Variants in CCDC171 observed in about 807,000 individuals in gnomAD.
The protein encoded by CCDC171 is coiled-coil domain-containing protein 171.
In CCDC171, 177 loss-of-function variants were observed where a neutral mutation model predicts 168.2. That is an observed-to-expected ratio of 1.05 (90% confidence interval 0.93 to 1.19). The LOEUF is 1.19. CCDC171 is among the 50% of genes most tolerant of loss of function. The pLI is 0.00. For missense variants in CCDC171, 1,991 were observed against 1,539.0 expected, an observed-to-expected ratio of 1.29 and a Z score of -4.91; for synonymous variants, 687 against 540.8, an observed-to-expected ratio of 1.27 and a Z score of -3.75.
chr9:16,010,868 A>G (rs1014319270), intron 3 of CCDC171, among the ~76,000 whole-genome samples: 1 of 152,074 alleles, frequency 6.6e-6, no homozygotes, highest in African/African-American at 2.4e-5. Flanking sequence ...AAAAGAGTAT[A>G]CAATGAGAAG....
intron 25 of CCDC171, among the ~76,000 whole-genome samples, chr9:15,951,522 TTTTGTTTG>T (rs71304891): frequency 6.6e-6 from 1 of 151,310 alleles, no homozygotes; most frequent in East Asian, 2.0e-4. Context: ...ATTATCTGTT[TTTTGTTTG>T]TTTGTTTGTT....
chr9:15,664,976 T>C (rs892384944), intron 8 of CCDC171, among the ~76,000 whole-genome samples: 1 of 152,110 alleles, frequency 6.6e-6, no homozygotes, highest in Admixed American at 6.6e-5. Context: ...TTTTAAAATG[T>C]CTTTTTATGT....
intron 6 of CCDC171, among the ~76,000 whole-genome samples, chr9:15,602,949 C>T (rs757698602): frequency 3.8e-4 from 57 of 151,882 alleles, no homozygotes; most frequent in African/African-American, 1.2e-3. Context: ...TGAGCCATCT[C>T]GCCTAGCCTT....
At chr9:15,554,329 T>C (rs12350903) in intron 1 of CCDC171, among the ~76,000 whole-genome samples, 2 of 152,216 alleles carry the variant, frequency 1.3e-5, no homozygotes, top group Admixed American at 6.5e-5. Context: ...ATGTCACTTA[T>C]TTTATTTAAC....
chr9:16,071,685 T>C, the CCDC171 span, among the ~76,000 whole-genome samples: 4 of 152,300 alleles, frequency 2.6e-5, no homozygotes, highest in East Asian at 7.7e-4. Context: ...ATCCCCAGGG[T>C]TCAAAGTTAG....
chr9:15,803,701 C>T (rs540322890), intron 21 of CCDC171, among the ~76,000 whole-genome samples: 1 of 151,936 alleles, frequency 6.6e-6, no homozygotes. Flanking sequence ...AGCATGATAC[C>T]TCCAGTTTTC....
intron 20 of CCDC171, among the ~76,000 whole-genome samples, chr9:15,779,603 G>A (rs1223199072): frequency 6.6e-6 from 1 of 151,946 alleles, no homozygotes; most frequent in Non-Finnish European, 1.5e-5. Context: ...CAGCTGATCT[G>A]CCCACCTCAG....
chr9:15,791,753 A>C (rs921520344), intron 21 of CCDC171, among the ~76,000 whole-genome samples: 13 of 152,200 alleles, frequency 8.5e-5, no homozygotes, highest in African/African-American at 3.1e-4. Context: ...ACAGACCTGC[A>C]GCTGAGGGTC....
At chr9:16,050,380 T>C (rs1833731537) in intron 1 of CCDC171, among the ~76,000 whole-genome samples, 1 of 152,198 alleles carries the variant, frequency 6.6e-6, no homozygotes, top group African/African-American at 2.4e-5. Context: ...ACTTTCAAAA[T>C]TTGTAGACCA....
chr9:15,982,925 G>A (rs1831850089), intron 3 of CCDC171, among the ~76,000 whole-genome samples: 1 of 152,068 alleles, frequency 6.6e-6, no homozygotes, highest in South Asian at 2.1e-4. Flanking sequence ...CAGGGGTGAG[G>A]TCAAAATAAT....
At chr9:15,560,372 C>T (rs569593872) in intron 1 of CCDC171, among the ~76,000 whole-genome samples, 7 of 152,260 alleles carry the variant, frequency 4.6e-5, no homozygotes, top group East Asian at 1.9e-4. Flanking sequence ...ACCAATCAGA[C>T]GTAGTTTTGG....
the CCDC171 span, among the ~76,000 whole-genome samples, chr9:16,089,112 A>G: frequency 2.0e-5 from 3 of 152,166 alleles, no homozygotes; most frequent in Non-Finnish European, 4.4e-5. Context: ...CAATGGGGAA[A>G]ATATTCCCTA....
intron 21 of CCDC171, among the ~76,000 whole-genome samples, chr9:15,799,927 A>C (rs569243892): frequency 2.4e-4 from 36 of 152,080 alleles, no homozygotes; most frequent in Non-Finnish European, 4.3e-4. Flanking sequence ...CTCCAGTTCC[A>C]TCTATGTTGT....
At chr9:15,572,310 GTTTTTTCTCC>G (rs2040294580) in intron 3 of CCDC171, among the ~76,000 whole-genome samples, 1 of 152,150 alleles carries the variant, frequency 6.6e-6, no homozygotes, top group African/African-American at 2.4e-5. Flanking sequence ...TCTCTGCTGT[GTTTTTTCTCC>G]TTTTTTCTCT....
At chr9:15,731,716 T>G (rs1282737375) in intron 16 of CCDC171, among the ~76,000 whole-genome samples, 2 of 152,122 alleles carry the variant, frequency 1.3e-5, no homozygotes, top group East Asian at 3.8e-4. Context: ...GCTTAATTAC[T>G]AAAGTGCAGT....
intron 1 of CCDC171, among the ~76,000 whole-genome samples, chr9:16,046,928 C>T (rs1459604762): frequency 6.6e-6 from 1 of 152,122 alleles, no homozygotes; most frequent in Non-Finnish European, 1.5e-5. Flanking sequence ...TCAGTCGTTC[C>T]CCAGGCATCT....
At chr9:15,582,722 A>T (rs1248263338) in intron 4 of CCDC171, among the ~76,000 whole-genome samples, 1 of 151,408 alleles carries the variant, frequency 6.6e-6, no homozygotes, top group Non-Finnish European at 1.5e-5. Context: ...CATAAGTGGG[A>T]GTTGAACAGT....
At chr9:16,048,504 C>G (rs1300834038) in intron 1 of CCDC171, among the ~76,000 whole-genome samples, 2 of 152,102 alleles carry the variant, frequency 1.3e-5, no homozygotes, top group African/African-American at 4.8e-5. Flanking sequence ...TGACAACCCC[C>G]CTCAGTTTCT....
chr9:15,619,192 T>C (rs1481511672), intron 6 of CCDC171, among the ~76,000 whole-genome samples: 1 of 152,132 alleles, frequency 6.6e-6, no homozygotes, highest in Non-Finnish European at 1.5e-5. Flanking sequence ...CCTCTAAGTG[T>C]TCAAGTGAAA....
Sources: allele counts gnomAD v4.1 joint callset (sites outside exome capture counted in the v4.1 genomes callset), GRCh38; gene constraint gnomAD v4.1.1; transcripts MANE v1.5; gene names NCBI Gene and HGNC (gene_info 2026-07-23, HGNC 2026-07-21).